GPC5: variants seen among roughly 807,000 people sequenced by gnomAD.
The protein encoded by GPC5 is glypican 5, also known as glypican-5.
A neutral mutation model predicts 53.9 loss-of-function variants in GPC5; 47 were observed. The ratio of observed to expected loss-of-function variants is 0.87; its 90% CI spans 0.69 to 1.11. The LOEUF (loss-of-function observed/expected upper bound fraction) is 1.11, where lower values mean the gene tolerates loss of function less well. Among genes scored for constraint, GPC5 ranks in the 50% most tolerant of loss-of-function variants. The probability of loss-of-function intolerance (pLI) is 0.00; values close to 1 mark genes in which losing one functional copy is unlikely to be tolerated. For synonymous variants in GPC5, 286 were observed against 263.3 expected (o/e 1.09, Z -0.84); for missense variants, 748 against 713.1 (o/e 1.05, Z -0.56).
intron 6 of GPC5, among the ~76,000 whole-genome samples, chr13:91,989,455 G>T (rs1008115088): frequency 6.6e-6 from 1 of 152,088 alleles, no homozygotes; most frequent in African/African-American, 2.4e-5. Flanking sequence ...AAATAATCTC[G>T]TACTTACAAA....
At chr13:91,480,333 A>G (rs1388733697) in intron 2 of GPC5, among the ~76,000 whole-genome samples, 1 of 152,220 alleles carries the variant, frequency 6.6e-6, no homozygotes, top group Non-Finnish European at 1.5e-5. Context: ...CCAATCAATT[A>G]ATTTTCTAAA....
chr13:91,579,810 A>G (rs528622923), intron 2 of GPC5, among the ~76,000 whole-genome samples: 7 of 151,168 alleles, frequency 4.6e-5, no homozygotes, highest in Non-Finnish European at 1.0e-4. Context: ...TATTTTTAGT[A>G]AAGATGGGGT....
intron 5 of GPC5, among the ~76,000 whole-genome samples, chr13:91,903,408 A>G (rs1190589611): frequency 6.6e-6 from 1 of 152,108 alleles, no homozygotes; most frequent in Non-Finnish European, 1.5e-5. Flanking sequence ...CCAAGGTCAT[A>G]GAATATGGTT....
At chr13:91,537,917 C>G (rs1274770523) in intron 2 of GPC5, among the ~76,000 whole-genome samples, 3 of 152,182 alleles carry the variant, frequency 2.0e-5, no homozygotes, top group Non-Finnish European at 4.4e-5. Context: ...TACACACAAA[C>G]TTCTACACAG....
chr13:92,698,337 C>A (rs1887624420), intron 7 of GPC5, among the ~76,000 whole-genome samples: 1 of 151,986 alleles, frequency 6.6e-6, no homozygotes, highest in African/African-American at 2.4e-5. Context: ...CCACAACAGG[C>A]ACTGGTGTGT....
At chr13:92,644,452 C>T (rs138899655) in intron 7 of GPC5, among the ~76,000 whole-genome samples, 659 of 152,204 alleles carry the variant, frequency 4.3e-3, no homozygotes, top group Admixed American at 9.2e-3. Context: ...TGAAATCTGT[C>T]TATATAAGCT....
At chr13:91,781,799 C>G (rs187771753) in intron 5 of GPC5, among the ~76,000 whole-genome samples, 4 of 152,274 alleles carry the variant, frequency 2.6e-5, no homozygotes, top group Admixed American at 2.6e-4. Context: ...TTTTAATCTT[C>G]GCAATCTCAC....
chr13:91,551,779 C>A (rs1436697813), intron 2 of GPC5, among the ~76,000 whole-genome samples: 1 of 151,980 alleles, frequency 6.6e-6, no homozygotes, highest in East Asian at 1.9e-4. Context: ...TGGTTCTTAA[C>A]ACTAGGAGAG....
At chr13:91,648,397 A>G (rs2034613367) in intron 2 of GPC5, among the ~76,000 whole-genome samples, 1 of 150,692 alleles carries the variant, frequency 6.6e-6, no homozygotes, top group South Asian at 2.1e-4. Context: ...ATTAAGTGCC[A>G]TTTAAAAACT....
intron 7 of GPC5, among the ~76,000 whole-genome samples, chr13:92,210,857 C>A (rs1289798317): frequency 3.3e-5 from 5 of 152,148 alleles, no homozygotes; most frequent in Non-Finnish European, 7.4e-5. Context: ...GTTGGCATGA[C>A]TTTGAGAAGA....
intron 7 of GPC5, among the ~76,000 whole-genome samples, chr13:92,762,279 T>C (rs1044568413): frequency 2.0e-5 from 3 of 152,100 alleles, no homozygotes; most frequent in Admixed American, 1.3e-4. Context: ...GTATAAATTG[T>C]GTGAGGGGAG....
chr13:92,329,334 G>A (rs1348130130), intron 7 of GPC5, among the ~76,000 whole-genome samples: 1 of 152,084 alleles, frequency 6.6e-6, no homozygotes, highest in East Asian at 1.9e-4. Context: ...CATGTCAAGA[G>A]CAGGAACAAG....
At chr13:92,214,349 CTTAA>C (rs1158522116) in intron 7 of GPC5, among the ~76,000 whole-genome samples, 1 of 152,158 alleles carries the variant, frequency 6.6e-6, no homozygotes, top group Admixed American at 6.5e-5. Context: ...ACCAGTGGCA[CTTAA>C]TTCATTCATC....
At chr13:91,975,806 A>G (rs2040294631) in intron 6 of GPC5, among the ~76,000 whole-genome samples, 1 of 152,194 alleles carries the variant, frequency 6.6e-6, no homozygotes, top group Non-Finnish European at 1.5e-5. Context: ...ATGCTGCTAT[A>G]AAGACACATG....
intron 7 of GPC5, among the ~76,000 whole-genome samples, chr13:92,505,810 T>C (rs1880345107): frequency 1.3e-5 from 2 of 152,120 alleles, no homozygotes; most frequent in African/African-American, 4.8e-5. Flanking sequence ...ACTCACAACA[T>C]CTTACATCAA....
intron 7 of GPC5, among the ~76,000 whole-genome samples, chr13:92,840,109 A>G (rs1009504822): frequency 2.5e-5 from 2 of 79,462 alleles, no homozygotes; most frequent in African/African-American, 3.7e-5. Flanking sequence ...ATATATATAT[A>G]TATATATATA....
At chr13:91,938,062 T>G (rs561561364) in intron 6 of GPC5, among the ~76,000 whole-genome samples, 1 of 152,184 alleles carries the variant, frequency 6.6e-6, no homozygotes, top group African/African-American at 2.4e-5. Flanking sequence ...CAGCTGAGAT[T>G]TGTGGCAGCC....
chr13:92,141,919 C>G (rs370584890), intron 6 of GPC5, among the ~76,000 whole-genome samples: 25 of 152,238 alleles, frequency 1.6e-4, no homozygotes, highest in African/African-American at 6.0e-4. Context: ...GCCATAGGAC[C>G]TTTGATAGGC....
chr13:91,587,086 T>A (rs1227731309), intron 2 of GPC5, among the ~76,000 whole-genome samples: 1 of 152,140 alleles, frequency 6.6e-6, no homozygotes, highest in Non-Finnish European at 1.5e-5. Context: ...GCTGCTCTAG[T>A]AATGTCTAGT....
Sources: gnomAD v4.1 joint callset for allele counts (sites outside exome capture counted in the v4.1 genomes callset) on GRCh38, gnomAD v4.1.1 for gene constraint, MANE v1.5 for transcripts, NCBI Gene and HGNC (gene_info 2026-07-23, HGNC 2026-07-21) for gene names.